CFAP92: variants seen among roughly 807,000 people sequenced by gnomAD.
CFAP92 encodes uncharacterized protein CFAP92.
In CFAP92, 86 loss-of-function variants were observed where a neutral mutation model predicts 106.3. That is an observed-to-expected ratio of 0.81 (90% CI 0.68 to 0.97). The LOEUF is 0.97. Ranked by LOEUF, CFAP92 falls within the 50% of genes least tolerant of loss-of-function variation. CFAP92 has a pLI of 0.00. For missense variants in CFAP92, 1,204 were observed against 1,283.8 expected, an observed-to-expected ratio of 0.94 and a Z score of 0.95; for synonymous variants, 477 against 506.4, an observed-to-expected ratio of 0.94 and a Z score of 0.78.
the CFAP92 span, among the ~76,000 whole-genome samples, chr3:129,008,255 C>A: frequency 6.6e-6 from 1 of 152,244 alleles, no homozygotes; most frequent in East Asian, 1.9e-4. Flanking sequence ...TAAGACAGCC[C>A]TTGCTGGCCC....
chr3:128,969,187 T>C (rs1003313098), intron 8 of CFAP92: 1 of 151,826 alleles, frequency 6.6e-6, no homozygotes, highest in African/African-American at 2.4e-5. Context: ...AAAACATTGC[T>C]CTTAACTCCA....
At chr3:128,946,001 G>A (rs1559883448) in intron 9 of CFAP92, 26 bp from the exon 10 acceptor site, 2 of 1,403,028 alleles carry the variant, frequency 1.4e-6, no homozygotes, top group Non-Finnish European at 1.8e-6. Context: ...GCCACAGCAG[G>A]TCACCCAGCC....
chr3:129,014,456 G>A, the CFAP92 span, among the ~76,000 whole-genome samples: 2 of 152,206 alleles, frequency 1.3e-5, no homozygotes. This position sits in a 1 kb window ranked among gnomAD's most constrained non-coding sequence, Gnocchi z 4.3. Context: ...CTGTATCCTC[G>A]CGTGGTCTTC....
chr3:128,978,071 G>GT lies in CFAP92; in HGVS notation c.781dup (p.Thr261AsnfsTer24). Reference sequence around the variant, plus strand: ...TTGCAAAGACTTTGGGTGTTTTTCTGTTTTTTCTTGTTTTCCTGGCGGATG... The same window carrying GT: ...TTGCAAAGACTTTGGGTGTTTTTCTGTTTTTTTCTTGTTTTCCTGGCGGATG... On this transcript the variant is annotated frameshift_variant, in exon 5 of 16. Coordinates refer to ENST00000645291, the MANE Select transcript of CFAP92 (RefSeq NM_001394090.1). LOFTEE classifies it high-confidence loss of function. The GT allele has an allele frequency of 1.2e-6, 2 of 1,613,916 alleles. No individual in the cohort carries two copies. Among genetic ancestry groups the GT allele is most frequent in the Non-Finnish European group, 1.7e-6 (2 of 1,179,870 alleles).
rs967589582 is a variant in CFAP92, at chr3:128,935,165, G to C, written c.2413C>G (p.Arg805Gly). 1 of 1,535,252 alleles carries C rather than the reference G, an allele frequency of 6.5e-7. No homozygotes were observed. Among genetic ancestry groups the C allele is most frequent in the African/African-American group, 1.4e-5 (1 of 73,044 alleles). The change falls in exon 11 of 16, where the codon CGA (arginine) becomes GGA (glycine). Residue 805 changes from arginine (R) to glycine (G), a missense_variant. Coordinates refer to ENST00000645291, the MANE Select transcript of CFAP92 (RefSeq NM_001394090.1). ...LLLQQAVFFL[R>G]DTERRRVFQA... ...AAGACCCGCCTCCGCTCAGTGTCTC[G>C]CAGGAAGAACACCGCCTGCTGCAGC...
chr3:128,934,552 G>A (rs1234386945), intron 11 of CFAP92, among the ~76,000 whole-genome samples: 1 of 151,116 alleles, frequency 6.6e-6, no homozygotes, highest in African/African-American at 2.4e-5. Flanking sequence ...TTGTTTCTGA[G>A]ATGGAAGTCT....
chr3:128,963,175 G>T (rs563033938), intron 9 of CFAP92, among the ~76,000 whole-genome samples: 4 of 152,156 alleles, frequency 2.6e-5, no homozygotes, highest in African/African-American at 7.2e-5. Context: ...CCTGCTGATC[G>T]TGTCTGATTA....
chr3:128,959,038 C>T (rs1210798104), intron 9 of CFAP92, among the ~76,000 whole-genome samples: 25 of 152,078 alleles, frequency 1.6e-4, no homozygotes, highest in Non-Finnish European at 8.8e-5. Flanking sequence ...TGGAGAAACC[C>T]TGTCTCTACT....
rs1288357902 is a variant in CFAP92, at chr3:128,954,941, AGCCGCCCCGTCCGGGAGGGAGGTGGGGCG to A, written c.1354-8995_1354-8967del. Among the ~76,000 whole-genome samples the A allele has an allele frequency of 4.1e-4, 13 of 31,558 alleles. 1 individual carries two copies. Among genetic ancestry groups the A allele is most frequent in the African/African-American group, 1.1e-3 (2 of 1,774 alleles). 20.7% of individuals were successfully genotyped at this position (31,558 alleles called of 152,430 possible). On this transcript the variant is annotated intron_variant, in intron 9 of 15. Transcript: ENST00000645291. ...GGGGGTGTCGGCCCCCCGCCCGGCC[AGCCGCCCCGTCCGGGAGGGAGGTGGGGCG>A]GTCAGCCCCCCTGCCCGGCCAGCCG...
At chr3:128,949,010 A>G (rs1683812) in intron 9 of CFAP92, among the ~76,000 whole-genome samples, 91,874 of 152,050 alleles carry the variant, frequency 0.6, 30,268 homozygotes, top group African/African-American at 0.88. Flanking sequence ...AAACCATGAT[A>G]TGATAACAAT....
the CFAP92 span, among the ~76,000 whole-genome samples, chr3:129,026,725 C>T: frequency 6.6e-6 from 1 of 152,114 alleles, no homozygotes; most frequent in Non-Finnish European, 1.5e-5. Flanking sequence ...TAGTCTGGAG[C>T]CTGTGGAGTA....
intron 12 of CFAP92, 43 bp downstream of exon 12, chr3:128,932,657 G>T: frequency 6.6e-7 from 1 of 1,506,352 alleles, no homozygotes. Flanking sequence ...GGACCGCCCA[G>T]GTGAGGCCTG....
At chr3:128,938,457 C>A (rs1939279036) in intron 10 of CFAP92, among the ~76,000 whole-genome samples, 1 of 150,652 alleles carries the variant, frequency 6.6e-6, no homozygotes, top group Admixed American at 6.6e-5. Context: ...CCGCAGAGAC[C>A]AGAAACAAGG....
chr3:128,920,598 A>T (rs1334029788), intron 12 of CFAP92, among the ~76,000 whole-genome samples: 2 of 152,268 alleles, frequency 1.3e-5, no homozygotes, highest in Non-Finnish European at 2.9e-5. Context: ...GTTGGGAAAA[A>T]GGCTGAGGCA....
At chr3:128,976,889 G>A (rs1309633165) in intron 6 of CFAP92, 90 bp downstream of exon 6, 7 of 1,007,276 alleles carry the variant, frequency 6.9e-6, no homozygotes, top group Admixed American at 1.9e-5. Context: ...CAGTTTAACT[G>A]GATTTACTAA....
At chr3:128,979,947 A>AATATATATATATAT (rs375673134) in intron 4 of CFAP92, among the ~76,000 whole-genome samples, 30 of 128,296 alleles carry the variant, frequency 2.3e-4, no homozygotes, top group South Asian at 2.7e-4. Context: ...AAAGTATAAT[A>AATATATATATATAT]ATATATATAT....
chr3:128,909,927 G>A lies in CFAP92; in HGVS notation c.*372C>T. The A allele has an allele frequency of 1.3e-6, 2 of 1,551,218 alleles. No homozygotes were observed. Among genetic ancestry groups the A allele is most frequent in the Admixed American group, 3.8e-5 (2 of 52,230 alleles). On this transcript the variant is annotated 3_prime_UTR_variant, in exon 16 of 16. Coordinates refer to ENST00000645291, the MANE Select transcript of CFAP92 (RefSeq NM_001394090.1). ...GACTCCACTTTCTCAAGGAACACAG[G>A]AGACTAAGACAGGCAAAGATGCAGC...
intron 9 of CFAP92, among the ~76,000 whole-genome samples, chr3:128,948,376 CCTTTT>C (rs1940450008): frequency 2.1e-5 from 2 of 95,312 alleles, no homozygotes; most frequent in Non-Finnish European, 4.1e-5. Context: ...TCTTTTCTTT[CCTTTT>C]TTTTTTTTTT....
At chr3:128,962,694 T>C (rs983414058) in intron 9 of CFAP92, among the ~76,000 whole-genome samples, 7 of 152,254 alleles carry the variant, frequency 4.6e-5, no homozygotes, top group South Asian at 2.1e-4. Flanking sequence ...GCCAATATCC[T>C]ATCCCACAGC....
Sources: gnomAD v4.1 joint callset for allele counts (sites outside exome capture counted in the v4.1 genomes callset) on GRCh38, gnomAD v4.1.1 for gene constraint, Gnocchi (gnomAD v3.1) non-coding constraint, MANE v1.5 for transcripts, NCBI Gene and HGNC (gene_info 2026-07-23, HGNC 2026-07-21) for gene names.